The following CCDC85A variants were observed in gnomAD, a reference collection of about 807,000 sequenced individuals.
CCDC85A encodes the protein coiled-coil domain-containing protein 85A.
Under a neutral mutation model 50.2 loss-of-function variants are expected in CCDC85A, and 38 were observed. The observed-to-expected ratio is 0.76, with a 90% CI of 0.58 to 0.99. The LOEUF (loss-of-function observed/expected upper bound fraction) is 0.99, where lower values mean the gene tolerates loss of function less well. Among genes scored for constraint, CCDC85A ranks in the 50% least tolerant of loss-of-function variants. CCDC85A has a pLI of 0.00. For missense variants in CCDC85A, 820 were observed against 742.0 expected (o/e 1.11, Z -1.22); for synonymous variants, 366 against 301.4 (o/e 1.21, Z -2.22).
intron 2 of CCDC85A, among the ~76,000 whole-genome samples, chr2:56,228,376 C>A (rs989795870): frequency 5.9e-5 from 9 of 151,702 alleles, no homozygotes; most frequent in South Asian, 2.1e-4. Context: ...ACCCATCTTA[C>A]AAGGTTGTTA....
intron 2 of CCDC85A, among the ~76,000 whole-genome samples, chr2:56,309,740 T>C (rs897700200): frequency 5.9e-5 from 9 of 152,142 alleles, no homozygotes; most frequent in Non-Finnish European, 1.3e-4. Context: ...TCATTGACTT[T>C]GACTATTGTG....
rs556693823 is a variant in CCDC85A at position 56,236,538 on chromosome 2, G to C, written c.1240+43098G>C. On this transcript the variant is annotated intron_variant, in intron 2 of 5. Transcript: ENST00000407595. Reference sequence around the variant, plus strand: ...GAGGAAGAGCAACTAATGAAGGGTAGAGGAGGCGTGAGACCTCACACTTCT... The same window carrying C: ...GAGGAAGAGCAACTAATGAAGGGTACAGGAGGCGTGAGACCTCACACTTCT... Among the ~76,000 whole-genome samples the C allele has an allele frequency of 3.3e-5, 5 of 152,306 alleles. No individual in the cohort carries two copies. In the East Asian group the frequency reaches 9.6e-4, roughly 29 times the overall value.
At chr2:56,330,906 A>T (rs1673756850) in intron 2 of CCDC85A, among the ~76,000 whole-genome samples, 1 of 152,206 alleles carries the variant, frequency 6.6e-6, no homozygotes, top group African/African-American at 2.4e-5. Flanking sequence ...CATCATATCA[A>T]AAAGGTACCT....
intron 2 of CCDC85A, among the ~76,000 whole-genome samples, chr2:56,217,738 A>G (rs776334958): frequency 5.9e-5 from 9 of 151,842 alleles, no homozygotes; most frequent in African/African-American, 2.2e-4. Flanking sequence ...TTCCTTCTAA[A>G]AGCTTGATGT....
chr2:56,256,681 T>C (rs1669997741), intron 2 of CCDC85A, among the ~76,000 whole-genome samples: 1 of 152,232 alleles, frequency 6.6e-6, no homozygotes, highest in South Asian at 2.1e-4. Context: ...TATTGTTTCA[T>C]TGGATTTGAC....
intron 2 of CCDC85A, among the ~76,000 whole-genome samples, chr2:56,274,634 A>T: frequency 6.6e-6 from 1 of 152,200 alleles, no homozygotes. Context: ...CAATACCTTC[A>T]CAGCAGCATC....
Position 56,376,715 on chromosome 2 carries a change from G to A in CCDC85A, c.1572+780G>A, listed in dbSNP as rs898599279. ...TAAAAATCATCTTACAAATTGAGAT[G>A]GTTTCTTGAAATTTTATCAGTTTCA... is the stretch of plus-strand genomic sequence containing the variant. On this transcript the variant is annotated intron_variant, in intron 5 of 5. Coordinates refer to ENST00000407595, the MANE Select transcript of CCDC85A (RefSeq NM_001080433.2). Among the ~76,000 whole-genome samples the A allele has an allele frequency of 2.2e-4, 33 of 152,192 alleles. No homozygotes were observed. The East Asian group carries it at 5.4e-3, about 25-fold the overall frequency.
At position 56,308,135 on chromosome 2, in the gene CCDC85A, A is replaced by G. The variant is rs576232589; in HGVS notation, c.1241-34744A>G. On this transcript the variant is annotated intron_variant, in intron 2 of 5. Transcript: ENST00000407595. ...CAAATCATTTCAGGCAACTCTTGAC[A>G]CTTCCTCAAACTAGTTGTGAGAAGC... Among the ~76,000 whole-genome samples, 5 of 152,302 alleles carry G rather than the reference A, an allele frequency of 3.3e-5. No homozygotes were observed. The South Asian group carries it at 1.0e-3, about 32-fold the overall frequency.
At chr2:56,376,154 G>A (rs115526635) in intron 5 of CCDC85A, among the ~76,000 whole-genome samples, 3,708 of 135,296 alleles carry the variant, frequency 0.027, 137 homozygotes, top group African/African-American at 0.11. Flanking sequence ...TAGTTTTATC[G>A]TTTTGTTTTG....
At chr2:56,244,667 A>C (rs143187807) in intron 2 of CCDC85A, among the ~76,000 whole-genome samples, 1 of 151,192 alleles carries the variant, frequency 6.6e-6, no homozygotes, top group African/African-American at 2.4e-5. Flanking sequence ...TGCTGTGAAT[A>C]TGCTGGGTCA....
intron 2 of CCDC85A, among the ~76,000 whole-genome samples, chr2:56,282,808 C>A (rs994218326): frequency 5.3e-5 from 8 of 152,222 alleles, no homozygotes; most frequent in Non-Finnish European, 8.8e-5. Context: ...CCATTCCCGG[C>A]CATACTTTTC....
chr2:56,349,263 A>G (rs1450496185), intron 3 of CCDC85A, among the ~76,000 whole-genome samples: 1 of 152,202 alleles, frequency 6.6e-6, no homozygotes, highest in Non-Finnish European at 1.5e-5. Context: ...CTTATATGGA[A>G]CAACGTTTTC....
intron 2 of CCDC85A, among the ~76,000 whole-genome samples, chr2:56,327,090 A>G (rs769401297): frequency 1.4e-4 from 22 of 152,244 alleles, no homozygotes; most frequent in African/African-American, 3.9e-4. Flanking sequence ...GCCTTATATT[A>G]TACATGGTAG....
At chr2:56,323,060 C>T (rs544598983) in intron 2 of CCDC85A, among the ~76,000 whole-genome samples, 23 of 152,068 alleles carry the variant, frequency 1.5e-4, no homozygotes, top group African/African-American at 3.9e-4. Context: ...AACCAAATAC[C>T]GCATGTTCTC....
At chr2:56,266,776 T>C (rs1260008184) in intron 2 of CCDC85A, among the ~76,000 whole-genome samples, 1 of 152,180 alleles carries the variant, frequency 6.6e-6, no homozygotes, top group African/African-American at 2.4e-5. Flanking sequence ...GTGGCGTCTA[T>C]TGTTGCCTAC....
intron 1 of CCDC85A, among the ~76,000 whole-genome samples, chr2:56,187,546 A>G (rs1469950521): frequency 6.6e-6 from 1 of 152,160 alleles, no homozygotes; most frequent in African/African-American, 2.4e-5. Flanking sequence ...CCAATTGTTA[A>G]ACTCTCTGTC....
At chr2:56,330,834 A>C (rs1399764335) in intron 2 of CCDC85A, among the ~76,000 whole-genome samples, 2 of 152,210 alleles carry the variant, frequency 1.3e-5, no homozygotes, top group Non-Finnish European at 2.9e-5. Flanking sequence ...GAGAACTAAA[A>C]ATAGAACTAC....
intron 2 of CCDC85A, among the ~76,000 whole-genome samples, chr2:56,250,885 T>C (rs1397308994): frequency 1.3e-5 from 2 of 152,210 alleles, no homozygotes; most frequent in Non-Finnish European, 2.9e-5. Flanking sequence ...ATGTCATCTT[T>C]TTTTTCTTTC....
chr2:56,249,494 T>C (rs573177269), intron 2 of CCDC85A, among the ~76,000 whole-genome samples: 55 of 152,330 alleles, frequency 3.6e-4, no homozygotes, highest in Non-Finnish European at 6.0e-4. Flanking sequence ...TATATGTGAA[T>C]CTGTCCCTGA....
Sources: gnomAD v4.1 joint callset for allele counts (sites outside exome capture counted in the v4.1 genomes callset) on GRCh38, gnomAD v4.1.1 for gene constraint, MANE v1.5 for transcripts, NCBI Gene and HGNC (gene_info 2026-07-23, HGNC 2026-07-21) for gene names.